The following CSMD3 variants were observed in gnomAD, a reference collection of about 807,000 sequenced individuals.
The protein encoded by CSMD3 is CUB and Sushi multiple domains 3.
Under a neutral mutation model 435.2 loss-of-function variants are expected in CSMD3, and 177 were observed. The observed-to-expected ratio is 0.41, with a 90% confidence interval of 0.36 to 0.46. The LOEUF (loss-of-function observed/expected upper bound fraction) is 0.46, where lower values mean the gene tolerates loss of function less well. Among genes scored for constraint, CSMD3 ranks in the 20% least tolerant of loss-of-function variants. The pLI is 0.34. For missense variants in CSMD3, 4,265 were observed against 4,504.6 expected, an observed-to-expected ratio of 0.95 and a Z score of 1.52; for synonymous variants, 1,656 against 1,520.5, an observed-to-expected ratio of 1.09 and a Z score of -2.07.
chr8:112,656,053 T>C (rs1280728717), intron 18 of CSMD3, 101 bp downstream of exon 18: 4 of 681,804 alleles, frequency 5.9e-6, no homozygotes, highest in African/African-American at 1.8e-5. Flanking sequence ...AAAGCTTTGA[T>C]TTAAAATAAA....
Position 112,935,276 on chromosome 8 carries a change from T to C in CSMD3, c.1508+12514A>G, listed in dbSNP as rs141947303. On this transcript the variant is annotated intron_variant, in intron 9 of 70. Coordinates refer to ENST00000297405, the MANE Select transcript of CSMD3 (RefSeq NM_198123.2). Reference sequence around the variant, plus strand: ...TCTCTCCTTGTTTTAATGCCAATACTATGCTGTTTTGGATACTATAGTTTT... The same window carrying C: ...TCTCTCCTTGTTTTAATGCCAATACCATGCTGTTTTGGATACTATAGTTTT... 5.4e-4 allele frequency among the ~76,000 whole-genome samples: 82 copies of C among 152,248 alleles called. 1 individual carries two copies. In the South Asian group the frequency reaches 6.0e-3, roughly 11 times the overall value.
chr8:112,958,000 C>T (rs569614804), intron 7 of CSMD3, among the ~76,000 whole-genome samples: 2 of 152,114 alleles, frequency 1.3e-5, no homozygotes, highest in East Asian at 3.9e-4. Context: ...CTGCCCCGGC[C>T]TCCAAAAGTG....
chr8:112,359,105 T>G (rs147650550), intron 38 of CSMD3, among the ~76,000 whole-genome samples: 36 of 152,296 alleles, frequency 2.4e-4, no homozygotes, highest in Non-Finnish European at 4.3e-4. Context: ...CCATTGTTTA[T>G]TATTCATTTT....
chr8:113,301,447 T>C (rs2132588795), intron 2 of CSMD3, among the ~76,000 whole-genome samples: 1 of 152,114 alleles, frequency 6.6e-6, no homozygotes, highest in East Asian at 1.9e-4. Context: ...AATAATCACA[T>C]CTCACTCAGA....
intron 2 of CSMD3, among the ~76,000 whole-genome samples, chr8:113,290,424 C>G (rs1422473200): frequency 6.6e-6 from 1 of 151,546 alleles, no homozygotes; most frequent in Non-Finnish European, 1.5e-5. Flanking sequence ...CTATTAGAGA[C>G]AAGTTACTGA....
At chr8:113,303,710 T>C (rs998772353) in intron 2 of CSMD3, among the ~76,000 whole-genome samples, 4 of 136,354 alleles carry the variant, frequency 2.9e-5, no homozygotes, top group Admixed American at 1.6e-4. Context: ...GCTAGCCATA[T>C]GTAGAAAGCT....
chr8:112,511,400 T>A (rs1208789431), intron 28 of CSMD3, among the ~76,000 whole-genome samples: 2 of 144,962 alleles, frequency 1.4e-5, no homozygotes, highest in Non-Finnish European at 3.0e-5. Context: ...TTTTTTTTTT[T>A]TTTTTTTGAG....
chr8:112,341,793 G>C, intron 41 of CSMD3, 107 bp from the exon 42 acceptor site: 1 of 787,406 alleles, frequency 1.3e-6, no homozygotes, highest in Non-Finnish European at 2.2e-6. Flanking sequence ...TTGCATTTAA[G>C]TCAAGAGGCA....
At chr8:113,302,719 G>C (rs1399338446) in intron 2 of CSMD3, among the ~76,000 whole-genome samples, 2 of 149,944 alleles carry the variant, frequency 1.3e-5, no homozygotes, top group Non-Finnish European at 3.0e-5. Flanking sequence ...AACCCTTCAT[G>C]CTAAAAACTC....
At chr8:113,376,691 A>G (rs754179970) in intron 1 of CSMD3, 1 of 1,611,908 alleles carries the variant, frequency 6.2e-7, no homozygotes. Context: ...ACCCGCCACA[A>G]GGACCGAAAG....
intron 18 of CSMD3, among the ~76,000 whole-genome samples, chr8:112,653,752 C>T (rs2075188919): frequency 1.4e-5 from 2 of 147,996 alleles, no homozygotes; most frequent in Admixed American, 1.3e-4. Context: ...CTCCACCTCC[C>T]AGGTTCAAGT....
chr8:112,285,468 T>C (rs1346236124), intron 58 of CSMD3, among the ~76,000 whole-genome samples: 1 of 152,106 alleles, frequency 6.6e-6, no homozygotes, highest in Admixed American at 6.6e-5. Context: ...TTCTAGAATA[T>C]AAATATTAAA....
chr8:112,636,808 A>G lies in CSMD3; in HGVS notation c.3715+9T>C, dbSNP rs2074672819. 1.2e-6 allele frequency: 2 copies of G among 1,611,734 alleles called. 1 individual carries two copies. The highest frequency in any genetic ancestry group is 2.2e-5 in the South Asian group (2 of 91,032). ...ACATACAAGCAAATGAAAGCAGCTG[A>G]CCACGTACCCACACACCTTGGCAGA... On this transcript the variant is annotated intron_variant, in intron 22 of 70. Coordinates refer to ENST00000297405, the MANE Select transcript of CSMD3 (RefSeq NM_198123.2).
At chr8:113,187,498 T>C (rs1349623042) in intron 3 of CSMD3, among the ~76,000 whole-genome samples, 1 of 152,042 alleles carries the variant, frequency 6.6e-6, no homozygotes, top group Admixed American at 6.6e-5. Context: ...TGGAAACTTC[T>C]GTAGTTAAAT....
At chr8:112,754,377 G>T (rs1404488816) in intron 13 of CSMD3, among the ~76,000 whole-genome samples, 1 of 151,994 alleles carries the variant, frequency 6.6e-6, no homozygotes, top group Non-Finnish European at 1.5e-5. Context: ...TGAAGTTTTA[G>T]GAATATGAAA....
chr8:112,826,337 C>G (rs2079679746), intron 12 of CSMD3, among the ~76,000 whole-genome samples: 1 of 152,154 alleles, frequency 6.6e-6, no homozygotes, highest in African/African-American at 2.4e-5. Context: ...CAACAGGCAG[C>G]CACAGCTGAG....
At position 113,098,927 on chromosome 8, in the gene CSMD3, C is replaced by G. The variant is rs73701331; in HGVS notation, c.746G>C (p.Ser249Thr). The G allele has an allele frequency of 6.2e-7, 1 of 1,612,172 alleles. No individual in the cohort carries two copies. The highest frequency in any genetic ancestry group is 8.5e-7 in the Non-Finnish European group (1 of 1,178,556). The change falls in exon 5 of 71, where the codon AGT becomes ACT. Residue 249 changes from serine (S) to threonine (T), a missense_variant. Around this residue, in one of 3 missense-constraint regions of CSMD3, gnomAD observed 731 missense variants for 755.4 expected, o/e 0.97. Coordinates refer to ENST00000297405, the MANE Select transcript of CSMD3 (RefSeq NM_198123.2). ...DACGGTMRGS[S>T]GIISSPSFPN... ...AAAACTAGGGCTGGATATGATGCCACTGGATCCTCTCATTGTTCCTCCACA... is the reference window on the plus strand; with the variant it reads ...AAAACTAGGGCTGGATATGATGCCAGTGGATCCTCTCATTGTTCCTCCACA...
intron 10 of CSMD3, among the ~76,000 whole-genome samples, chr8:112,900,581 C>T (rs1482698277): frequency 6.6e-6 from 1 of 151,162 alleles, no homozygotes; most frequent in African/African-American, 2.4e-5. Context: ...TAAACTGTGA[C>T]CCAGGCACCT....
chr8:112,728,807 T>C (rs536115840), intron 13 of CSMD3, among the ~76,000 whole-genome samples: 1 of 152,204 alleles, frequency 6.6e-6, no homozygotes, highest in South Asian at 2.1e-4. Context: ...GCTTCTGATA[T>C]TTGTTTGATT....
Sources: allele counts gnomAD v4.1 joint callset (sites outside exome capture counted in the v4.1 genomes callset), GRCh38; gene constraint gnomAD v4.1.1; regional missense constraint gnomAD v4.1.1; transcripts MANE v1.5; gene names NCBI Gene and HGNC (gene_info 2026-07-23, HGNC 2026-07-21).